PREX2: variants seen among roughly 807,000 people sequenced by gnomAD.
PREX2 encodes phosphatidylinositol-3,4,5-trisphosphate dependent Rac exchange factor 2.
Under a neutral mutation model 203.2 loss-of-function variants are expected in PREX2, and 107 were observed. The observed-to-expected ratio is 0.53, with a 90% confidence interval of 0.45 to 0.62. PREX2 has a LOEUF of 0.62. Ranked by LOEUF, PREX2 falls within the 20% of genes least tolerant of loss-of-function variation. The pLI is 0.00. For synonymous variants in PREX2, 672 were observed against 663.6 expected, an observed-to-expected ratio of 1.01 and a Z score of -0.19; for missense variants, 1,777 against 1,955.9, an observed-to-expected ratio of 0.91 and a Z score of 1.72.
intron 22 of PREX2, among the ~76,000 whole-genome samples, chr8:68,097,551 C>G (rs1338404777): frequency 6.6e-6 from 1 of 152,216 alleles, no homozygotes; most frequent in Non-Finnish European, 1.5e-5. Context: ...TCTCAAACTC[C>G]TGACCTCAAG....
At chr8:68,063,152 T>G (rs1198190116) in intron 11 of PREX2, among the ~76,000 whole-genome samples, 1 of 152,174 alleles carries the variant, frequency 6.6e-6, no homozygotes, top group Non-Finnish European at 1.5e-5. Context: ...TATACTAACA[T>G]CATAAAATGC....
chr8:67,995,223 T>G (rs1007805278), intron 1 of PREX2, among the ~76,000 whole-genome samples: 4 of 152,164 alleles, frequency 2.6e-5, no homozygotes, highest in African/African-American at 9.6e-5. Flanking sequence ...CATGATTACA[T>G]TTTTTGTGAT....
chr8:68,131,526 A>C (rs902297334), intron 31 of PREX2, among the ~76,000 whole-genome samples: 1 of 152,124 alleles, frequency 6.6e-6, no homozygotes, highest in African/African-American at 2.4e-5. Context: ...TGGTGAATGA[A>C]AATAACTACA....
intron 6 of PREX2, among the ~76,000 whole-genome samples, chr8:68,035,583 T>C (rs536179122): frequency 1.5e-5 from 2 of 131,514 alleles, no homozygotes; most frequent in South Asian, 4.5e-4. Context: ...TGGGTGTTCT[T>C]CAGAGTTTAA....
At chr8:68,106,832 T>G (rs938265915) in intron 23 of PREX2, among the ~76,000 whole-genome samples, 1 of 152,190 alleles carries the variant, frequency 6.6e-6, no homozygotes. Flanking sequence ...GAGAAGAGAA[T>G]ATAGACATTA....
intron 1 of PREX2, among the ~76,000 whole-genome samples, chr8:67,986,684 CCTTT>C (rs1477185936): frequency 6.6e-6 from 1 of 152,144 alleles, no homozygotes; most frequent in Non-Finnish European, 1.5e-5. Context: ...CAGCATGGTG[CCTTT>C]CTTTCGAGAA....
chr8:68,095,638 A>AT (rs35221236), intron 21 of PREX2, among the ~76,000 whole-genome samples: 58,999 of 121,534 alleles, frequency 0.49, 12,928 homozygotes, highest in South Asian at 0.52. Flanking sequence ...TTTCCTTTCC[A>AT]TTTTTTTTTT....
At chr8:68,222,355 A>G (rs1812969275) in intron 38 of PREX2, among the ~76,000 whole-genome samples, 1 of 151,930 alleles carries the variant, frequency 6.6e-6, no homozygotes, top group African/African-American at 2.4e-5. Context: ...GGAGTACTAA[A>G]CAATGATGGC....
rs1563569297 is a variant in PREX2, at chr8:68,158,134, T to TAC, written c.4346+704_4346+705dup. ...GTGTGTATATATATGTATATATATA[T>TAC]ACACACATATATGAATATATATGTG... On this transcript the variant is annotated intron_variant, in intron 35 of 39. Coordinates refer to ENST00000288368, the MANE Select transcript of PREX2 (RefSeq NM_024870.4). 2.1e-5 allele frequency among the ~76,000 whole-genome samples: 3 copies of TAC among 146,100 alleles called. No individual in the cohort carries two copies. The South Asian group carries it at 6.3e-4, about 31-fold the overall frequency.
rs1265559534 is a variant in PREX2, at chr8:68,236,910, G to A, written c.*5532G>A. The stretch of plus-strand genomic sequence containing the variant: ...TTCCATTACTCCATATTTTATGTAT[G>A]GTTAAAATTATCAAAGTGCATTATG... On this transcript the variant is annotated 3_prime_UTR_variant, in exon 40 of 40. Coordinates refer to ENST00000288368, the MANE Select transcript of PREX2 (RefSeq NM_024870.4). 1 of 151,770 alleles carries A rather than the reference G, an allele frequency of 6.6e-6. No individual in the cohort carries two copies. Among genetic ancestry groups the A allele is most frequent in the Non-Finnish European group, 1.5e-5 (1 of 67,912 alleles). 9.4% of individuals were successfully genotyped at this position (151,770 alleles called of 1,614,324 possible).
At chr8:68,176,777 C>CATTAATAGGAAA in intron 35 of PREX2, 1 of 152,242 alleles carries the variant, frequency 6.6e-6, no homozygotes, top group Admixed American at 6.5e-5. Flanking sequence ...TCAAGAGTTT[C>CATTAATAGGAAA]TCCAGGGTGC....
At position 68,130,834 on chromosome 8, in the gene PREX2, T is replaced by C. The variant is rs1810994992; in HGVS notation, c.3767-3225T>C. 2.0e-5 allele frequency among the ~76,000 whole-genome samples: 3 copies of C among 152,158 alleles called. No homozygotes were observed. The South Asian group carries it at 6.2e-4, about 31-fold the overall frequency. On this transcript the variant is annotated intron_variant, in intron 31 of 39. Coordinates refer to ENST00000288368, the MANE Select transcript of PREX2 (RefSeq NM_024870.4). The stretch of plus-strand genomic sequence containing the variant: ...CCTCCAGTAGAAGGATACCCCCAGG[T>C]CTATGGTGACCAGAAGAAGAGCCCC...
At chr8:68,021,043 C>T (rs1291145048) in intron 3 of PREX2, among the ~76,000 whole-genome samples, 1 of 152,094 alleles carries the variant, frequency 6.6e-6, no homozygotes, top group Non-Finnish European at 1.5e-5. Context: ...TTGTGTCTTT[C>T]TTTTATTGGT....
intron 23 of PREX2, among the ~76,000 whole-genome samples, chr8:68,106,721 A>G (rs1810420995): frequency 1.3e-5 from 2 of 152,204 alleles, no homozygotes; most frequent in African/African-American, 2.4e-5. Context: ...GAAAAGTTAG[A>G]TAATGACCAG....
intron 1 of PREX2, among the ~76,000 whole-genome samples, chr8:67,996,485 C>T (rs1806770057): frequency 6.6e-6 from 1 of 152,192 alleles, no homozygotes; most frequent in South Asian, 2.1e-4. Flanking sequence ...TGAGCCACCA[C>T]ACCTGGCCTT....
intron 10 of PREX2, among the ~76,000 whole-genome samples, chr8:68,057,379 G>A (rs1331863007): frequency 6.6e-6 from 1 of 152,126 alleles, no homozygotes; most frequent in Admixed American, 6.5e-5. Context: ...AATACACCCA[G>A]TCTCAGGGAA....
chr8:68,045,799 TC>T (rs1434813008), intron 8 of PREX2, among the ~76,000 whole-genome samples: 9 of 152,122 alleles, frequency 5.9e-5, no homozygotes, highest in African/African-American at 2.2e-4. Flanking sequence ...TTGCAGATAC[TC>T]CCGTGCTAAC....
chr8:68,162,180 A>T (rs1470571085), intron 35 of PREX2, among the ~76,000 whole-genome samples: 7 of 152,296 alleles, frequency 4.6e-5, no homozygotes, highest in African/African-American at 1.4e-4. Context: ...AAACCATATC[A>T]CAGTTTTAAC....
chr8:68,160,613 A>G lies in PREX2; in HGVS notation c.4346+3177A>G, dbSNP rs896802336. Among the ~76,000 whole-genome samples the G allele has an allele frequency of 2.0e-5, 3 of 152,162 alleles. 1 individual carries two copies. Among genetic ancestry groups the G allele is most frequent in the African/African-American group, 7.2e-5 (3 of 41,448 alleles). On this transcript the variant is annotated intron_variant, in intron 35 of 39. Coordinates refer to ENST00000288368, the MANE Select transcript of PREX2 (RefSeq NM_024870.4). ...GGACTTACAGGGGTTACTTTGGGAA[A>G]CACAGTTTTAGAATTTGAAATGTGA... is the stretch of plus-strand genomic sequence containing the variant.
Sources: gnomAD v4.1 joint callset for allele counts (sites outside exome capture counted in the v4.1 genomes callset) on GRCh38, gnomAD v4.1.1 for gene constraint, MANE v1.5 for transcripts, NCBI Gene and HGNC (gene_info 2026-07-23, HGNC 2026-07-21) for gene names.